The following SHC3 variants were observed in gnomAD, a reference collection of about 807,000 sequenced individuals.
SHC3 encodes SHC-transforming protein 3.
In SHC3, 15 loss-of-function variants were observed where a neutral mutation model predicts 60.4. The ratio of observed to expected loss-of-function variants is 0.25; its 90% CI spans 0.17 to 0.38. SHC3 has a LOEUF of 0.38. Among genes scored for constraint, SHC3 ranks in the 10% least tolerant of loss-of-function variants. SHC3 has a pLI of 1.00. For missense variants in SHC3, 677 were observed against 786.1 expected (o/e 0.86, Z 1.66); for synonymous variants, 294 against 325.9 (o/e 0.90, Z 1.05).
intron 11 of SHC3, among the ~76,000 whole-genome samples, chr9:89,034,160 C>T (rs944000809): frequency 5.3e-5 from 8 of 152,240 alleles, no homozygotes; most frequent in African/African-American, 1.9e-4. Context: ...TCAAAAGGTG[C>T]TGAAGTAGTT....
rs1226649391 is a variant in SHC3, at chr9:89,046,958, C to G, written c.999G>C (p.Glu333Asp). 1.2e-6 allele frequency: 2 copies of G among 1,609,214 alleles called. No homozygotes were observed. The highest frequency in any genetic ancestry group is 2.7e-5 in the African/African-American group (2 of 74,860). The change falls in exon 8 of 12, where the codon GAG (glutamate) becomes GAC (aspartate). Residue 333 changes from glutamate (E) to aspartate (D), a missense_variant. Physicochemically the swap from Glu to Asp is conservative, Grantham distance 45. Transcript: ENST00000375835. ...AGTATGGGTGGTCTGAGCCATCTCC[C>G]TCCTCTTCCGTCCATGGCTCATCCA... ...QSLDEPWTEE[E>D]GDGSDHPYYN...
chr9:89,099,372 C>A (rs1227203533), intron 2 of SHC3, among the ~76,000 whole-genome samples: 1 of 152,194 alleles, frequency 6.6e-6, no homozygotes, highest in Non-Finnish European at 1.5e-5. Context: ...ATGCCAATTT[C>A]AACACTTCTG....
chr9:89,127,669 C>G (rs1826183681), intron 1 of SHC3, among the ~76,000 whole-genome samples: 1 of 151,924 alleles, frequency 6.6e-6, no homozygotes, highest in Non-Finnish European at 1.5e-5. Flanking sequence ...AGGAAGTATA[C>G]TTTGAGGGAT....
chr9:89,117,845 G>C (rs1826039345), intron 1 of SHC3, among the ~76,000 whole-genome samples: 1 of 152,002 alleles, frequency 6.6e-6, no homozygotes, highest in African/African-American at 2.4e-5. Context: ...TAGGATATGG[G>C]AAGAGTTATG....
chr9:89,071,221 G>A lies in SHC3; in HGVS notation c.761C>T (p.Ser254Phe). The A allele has an allele frequency of 6.2e-7, 1 of 1,614,166 alleles. No homozygotes were observed. ...TACCGGGTCTCCCCCAGAGGCGAAG[G>A]AGATGGACCGCATGTGGTGATTCGC... ...IIANHHMRSI[S>F]FASGGDPDTT... The change falls in exon 5 of 12, where the codon TCC (serine) becomes TTC (phenylalanine). Residue 254 changes from serine (S) to phenylalanine (F), a missense_variant. Ser to Phe is a radical substitution (Grantham distance 155, BLOSUM62 -2). Coordinates refer to ENST00000375835, the MANE Select transcript of SHC3 (RefSeq NM_016848.6).
intron 1 of SHC3, among the ~76,000 whole-genome samples, chr9:89,124,489 A>G (rs1826135651): frequency 6.6e-6 from 1 of 152,192 alleles, no homozygotes; most frequent in African/African-American, 2.4e-5. Flanking sequence ...CATATACAAC[A>G]TGGAATACTA....
chr9:89,065,511 G>A lies in SHC3; in HGVS notation c.835+18C>T, dbSNP rs1825164044. The A allele has an allele frequency of 6.2e-7, 1 of 1,613,648 alleles. No individual in the cohort carries two copies. Among genetic ancestry groups the A allele is most frequent in the African/African-American group, 1.3e-5 (1 of 74,874 alleles). On this transcript the variant is annotated intron_variant, in intron 6 of 11. Transcript: ENST00000375835. ...GCTGTACACAAACAAGAGATTAAAG[G>A]GGTCAAGCACCGCTTACCTCTGCGA...
At position 89,166,072 on chromosome 9, in the gene SHC3, G is replaced by A. The variant is rs138679056; in HGVS notation, c.474+11915C>T. 1.6e-3 allele frequency among the ~76,000 whole-genome samples: 243 copies of A among 152,212 alleles called. 1 individual carries two copies. Among genetic ancestry groups the A allele is most frequent in the Middle Eastern group, 6.8e-3 (2 of 294 alleles). ...GTCTGGTTCCACACACTCCAGCCAC[G>A]CAGGCGCACTCTGCTTCTGTCGCCT... is the stretch of plus-strand genomic sequence containing the variant. On this transcript the variant is annotated intron_variant, in intron 1 of 11. Coordinates refer to ENST00000375835, the MANE Select transcript of SHC3 (RefSeq NM_016848.6).
chr9:89,030,789 C>T (rs1001222590), intron 11 of SHC3, among the ~76,000 whole-genome samples: 1 of 152,156 alleles, frequency 6.6e-6, no homozygotes, highest in Non-Finnish European at 1.5e-5. Context: ...ATTTTCCTTC[C>T]GTTTTTCCTC....
chr9:89,173,937 G>GA (rs1349456743), intron 1 of SHC3, among the ~76,000 whole-genome samples: 1 of 151,910 alleles, frequency 6.6e-6, no homozygotes, highest in Non-Finnish European at 1.5e-5. Context: ...AGAATTTTGA[G>GA]AAAAAAATCA....
At chr9:89,034,831 C>T (rs535679639) in intron 11 of SHC3, among the ~76,000 whole-genome samples, 2 of 152,230 alleles carry the variant, frequency 1.3e-5, no homozygotes, top group East Asian at 3.9e-4. Flanking sequence ...TGATCTAATA[C>T]AGAAAAATTG....
At chr9:89,020,687 G>C (rs1322969519) in intron 11 of SHC3, among the ~76,000 whole-genome samples, 1 of 152,196 alleles carries the variant, frequency 6.6e-6, no homozygotes, top group Non-Finnish European at 1.5e-5. Context: ...CAGGAGGAGA[G>C]CAAAATGGGC....
chr9:89,065,135 G>T (rs1445729047), intron 6 of SHC3, among the ~76,000 whole-genome samples: 3 of 152,162 alleles, frequency 2.0e-5, no homozygotes, highest in East Asian at 3.8e-4. Context: ...CTAACCTCTA[G>T]GGCTGGCAGG....
In SHC3 at chr9:89,169,227, G is replaced by A. The variant is rs144221628; in HGVS notation, c.474+8760C>T. On this transcript the variant is annotated intron_variant, in intron 1 of 11. Coordinates refer to ENST00000375835, the MANE Select transcript of SHC3 (RefSeq NM_016848.6). ...AGGCCCTGCCGGACACTGAGCAGAG[G>A]AGGTTGAGAGGTGTGACTCCCACCT... 1.4e-3 allele frequency among the ~76,000 whole-genome samples: 215 copies of A among 152,278 alleles called. 1 individual carries two copies. The highest frequency in any genetic ancestry group is 4.9e-3 in the African/African-American group (202 of 41,554).
chr9:89,176,586 G>GT (rs1826945084), intron 1 of SHC3, among the ~76,000 whole-genome samples: 1 of 152,064 alleles, frequency 6.6e-6, no homozygotes, highest in Non-Finnish European at 1.5e-5. Flanking sequence ...GGTTTGGTTT[G>GT]TTTTTTTCTT....
chr9:89,117,487 T>C (rs914312918), intron 1 of SHC3, among the ~76,000 whole-genome samples: 1 of 152,240 alleles, frequency 6.6e-6, no homozygotes, highest in South Asian at 2.1e-4. Context: ...TCAATTCAGT[T>C]ATTTATCTTT....
chr9:89,059,746 G>A (rs1223979481), intron 6 of SHC3, among the ~76,000 whole-genome samples: 1 of 100,384 alleles, frequency 1.0e-5, no homozygotes, highest in Non-Finnish European at 2.1e-5. Flanking sequence ...GGAGGACGTG[G>A]TGGAGGATGG....
At chr9:89,029,435 TA>T (rs1824433913) in intron 11 of SHC3, among the ~76,000 whole-genome samples, 4 of 152,180 alleles carry the variant, frequency 2.6e-5, no homozygotes, top group Middle Eastern at 3.4e-3. Context: ...ATACTACAAC[TA>T]ACCATACTTT....
At chr9:89,033,948 C>T (rs1432180492) in intron 11 of SHC3, among the ~76,000 whole-genome samples, 1 of 151,984 alleles carries the variant, frequency 6.6e-6, no homozygotes, top group Non-Finnish European at 1.5e-5. Context: ...CATATACAAG[C>T]AAAGGCAGCA....
Sources: allele counts gnomAD v4.1 joint callset (sites outside exome capture counted in the v4.1 genomes callset), GRCh38; gene constraint gnomAD v4.1.1; transcripts MANE v1.5; gene names NCBI Gene and HGNC (gene_info 2026-07-23, HGNC 2026-07-21).